Variants in TTC5 observed in about 807,000 individuals in gnomAD.
TTC5 encodes tetratricopeptide repeat protein 5.
In TTC5, 46 loss-of-function variants were observed where a neutral mutation model predicts 57.4. That is an observed-to-expected ratio of 0.80 (90% CI 0.63 to 1.03). The LOEUF is 1.03. Ranked by LOEUF, TTC5 falls within the 50% of genes least tolerant of loss-of-function variation. The probability of loss-of-function intolerance (pLI) is 0.00; values close to 1 mark genes in which losing one functional copy is unlikely to be tolerated. For synonymous variants in TTC5, 190 were observed against 203.5 expected (o/e 0.93, Z 0.57); for missense variants, 504 against 528.1 (o/e 0.95, Z 0.45).
rs1882258558 is a variant in TTC5 at position 20,304,847 on chromosome 14, A to G, written c.51+1040T>C. Reference sequence around the variant, plus strand: ...GTTTTCCTCTGGACTGAATGTTTTTAGAAACTTATTTTTTCATGGCAAAAT... The same window carrying G: ...GTTTTCCTCTGGACTGAATGTTTTTGGAAACTTATTTTTTCATGGCAAAAT... On this transcript the variant is annotated intron_variant, in intron 1 of 9. Transcript: ENST00000258821. 2.0e-5 allele frequency among the ~76,000 whole-genome samples: 3 copies of G among 152,210 alleles called. No individual in the cohort carries two copies. The South Asian group carries it at 6.2e-4, about 32-fold the overall frequency.
chr14:20,305,047 G>A (rs1380773419), intron 1 of TTC5, among the ~76,000 whole-genome samples: 2 of 152,032 alleles, frequency 1.3e-5, no homozygotes, highest in African/African-American at 2.4e-5. Flanking sequence ...CCAGAATTGA[G>A]AATCTCTGAT....
At chr14:20,300,156 T>TATATATATACATATATATATA in intron 3 of TTC5, among the ~76,000 whole-genome samples, 1 of 39,858 alleles carries the variant, frequency 2.5e-5, no homozygotes, top group Non-Finnish European at 4.9e-5. Flanking sequence ...TATATATATA[T>TATATATATACATATATATATA]TTTTTTTTTT....
intron 2 of TTC5, among the ~76,000 whole-genome samples, chr14:20,301,120 C>T (rs1228321711): frequency 6.6e-6 from 1 of 152,164 alleles, no homozygotes; most frequent in African/African-American, 2.4e-5. Context: ...AAAGCGTAAA[C>T]ATGGAAAATT....
chr14:20,298,213 A>AG (rs1435445870), intron 5 of TTC5, among the ~76,000 whole-genome samples: 1 of 152,230 alleles, frequency 6.6e-6, no homozygotes, highest in Admixed American at 6.5e-5. Context: ...TCAAAGTCTG[A>AG]GGGAAAGCCC....
rs187801695 is a variant in TTC5 at position 20,296,471 on chromosome 14, A to G, written c.640-25T>C. On this transcript the variant is annotated intron_variant, in intron 5 of 9. Coordinates refer to ENST00000258821, the MANE Select transcript of TTC5 (RefSeq NM_138376.3). ...CCTATAATGGGATGAAAAGATTATCAGTGGATCCTGTCTCAATGTTAAGGA... is the reference window on the plus strand; with the variant it reads ...CCTATAATGGGATGAAAAGATTATCGGTGGATCCTGTCTCAATGTTAAGGA... The G allele has an allele frequency of 4.4e-4, 694 of 1,574,422 alleles. 4 individuals carry two copies. In the African/African-American group the frequency reaches 8.4e-3, roughly 19 times the overall value.
intron 9 of TTC5, among the ~76,000 whole-genome samples, chr14:20,291,282 T>C (rs990004264): frequency 5.9e-5 from 9 of 152,192 alleles, no homozygotes; most frequent in African/African-American, 2.2e-4. Context: ...GGTCTTAAAC[T>C]CCTGGGCTCA....
chr14:20,301,087 G>T (rs1040013629), intron 2 of TTC5, among the ~76,000 whole-genome samples: 2 of 152,180 alleles, frequency 1.3e-5, no homozygotes, highest in Non-Finnish European at 2.9e-5. Context: ...TCCTAGAGGG[G>T]TTTACAATCT....
rs1467988230 is a variant in TTC5 at position 20,305,923 on chromosome 14, T to C, written c.15A>G (p.Glu5=). 3.7e-6 allele frequency: 6 copies of C among 1,613,986 alleles called. No homozygotes were observed. In the East Asian group the frequency reaches 6.7e-5, roughly 18 times the overall value. The change falls in exon 1 of 10, where the codon GAA becomes GAG. Residue 5 remains glutamate (E), a synonymous_variant. Transcript: ENST00000258821. MMAD[E]EEEVKPILQK... is the part of the protein sequence containing the mutation. ...GCAAGATCGGCTTGACTTCTTCCTC[T>C]TCATCAGCCATCATCTCCCGGCCAC...
At chr14:20,297,220 C>A (rs1882083745) in intron 5 of TTC5, among the ~76,000 whole-genome samples, 1 of 152,092 alleles carries the variant, frequency 6.6e-6, no homozygotes, top group South Asian at 2.1e-4. Context: ...AAACCAAATT[C>A]AGACTCTAAC....
intron 9 of TTC5, among the ~76,000 whole-genome samples, chr14:20,291,252 C>T (rs971035651): frequency 8.5e-5 from 13 of 152,214 alleles, no homozygotes; most frequent in Middle Eastern, 3.4e-3. Flanking sequence ...GAGACGGGGT[C>T]TCACTATATA....
At chr14:20,290,344 G>A (rs966648657) in intron 9 of TTC5, among the ~76,000 whole-genome samples, 2 of 152,112 alleles carry the variant, frequency 1.3e-5, no homozygotes, top group African/African-American at 4.8e-5. Context: ...CAAAAAATAT[G>A]GCAATGAGAG....
rs1881865785 is a variant in TTC5, at chr14:20,287,634, T to TA, written c.*1992dup. 7 of 152,200 alleles carry TA rather than the reference T, an allele frequency of 4.6e-5. No individual in the cohort carries two copies. In the South Asian group the frequency reaches 1.4e-3, roughly 32 times the overall value. The allele number at this position is 152,200 out of a possible 1,614,324, so 9.4% of individuals were successfully genotyped here. A position where few individuals can be genotyped will look rare whatever the true frequency, so the allele number is the denominator to read the frequency against. On this transcript the variant is annotated 3_prime_UTR_variant, in exon 10 of 10. Coordinates refer to ENST00000258821, the MANE Select transcript of TTC5 (RefSeq NM_138376.3). ...ACCGTATGTACAAATTTTGCATACT[T>TA]ACTTGTTTGTACGCACTGCTTCTCT... is the stretch of plus-strand genomic sequence containing the variant.
chr14:20,291,242 G>A (rs1881946716), intron 9 of TTC5, among the ~76,000 whole-genome samples: 1 of 152,034 alleles, frequency 6.6e-6, no homozygotes, highest in South Asian at 2.1e-4. Flanking sequence ...TTTTTTTGTA[G>A]AGACGGGGTC....
At position 20,296,428 on chromosome 14, in the gene TTC5, C is replaced by G. The variant is rs773183824; in HGVS notation, c.658G>C (p.Ala220Pro). 1 of 1,612,624 alleles carries G rather than the reference C, an allele frequency of 6.2e-7. No homozygotes were observed. Among genetic ancestry groups the G allele is most frequent in the Non-Finnish European group, 8.5e-7 (1 of 1,178,588 alleles). The change falls in exon 6 of 10, where the codon GCT (alanine) becomes CCT (proline). Residue 220 changes from alanine to proline, a missense_variant. Physicochemically the swap from Ala to Pro is conservative, Grantham distance 27. Transcript: ENST00000258821. ...YAQAEKVDRKASSNPDLHLNR... is the reference protein window; with the variant it reads ...YAQAEKVDRKPSSNPDLHLNR... Reference sequence around the variant, plus strand: ...AGATGAAGGTCAGGATTGCTAGAAGCTTTTCTGTCAACTTTCTCCTATAAT... The same window carrying G: ...AGATGAAGGTCAGGATTGCTAGAAGGTTTTCTGTCAACTTTCTCCTATAAT...
In TTC5 at chr14:20,295,838, T is replaced by A; in HGVS notation, c.713A>T (p.Glu238Val). The change falls in exon 7 of 10, where the codon GAG becomes GTG. Residue 238 changes from glutamate (E) to valine (V), a missense_variant. Physicochemically the swap from Glu to Val is moderately radical, Grantham distance 121. Transcript: ENST00000258821. Reference sequence around the variant, plus strand: ...GCCCTCCAGGGCCTCCCCATAACTCTCTTCATATTTATGCAACTGTACAAG... The same window carrying A: ...GCCCTCCAGGGCCTCCCCATAACTCACTTCATATTTATGCAACTGTACAAG... ...LNRATLHKYE[E>V]SYGEALEGFS... 2 of 1,583,860 alleles carry A rather than the reference T, an allele frequency of 1.3e-6. No individual in the cohort carries two copies. Among genetic ancestry groups the A allele is most frequent in the Non-Finnish European group, 1.7e-6 (2 of 1,171,658 alleles).
At chr14:20,293,441 TG>T (rs1415317006) in intron 8 of TTC5, 6 of 152,176 alleles carry the variant, frequency 3.9e-5, no homozygotes, top group Middle Eastern at 3.2e-3. Flanking sequence ...CAAAAGGCAC[TG>T]GTGGGAAAGA....
Position 20,298,845 on chromosome 14 carries a change from G to T in TTC5, c.591C>A (p.Gly197=). 1 of 1,613,974 alleles carries T rather than the reference G, an allele frequency of 6.2e-7. No individual in the cohort carries two copies. The highest frequency in any genetic ancestry group is 2.2e-5 in the East Asian group (1 of 44,884). Residue 197 remains glycine, a synonymous_variant, in exon 5 of 10, where the codon GGC becomes GGA. Transcript: ENST00000258821. ...NSYLSLYFST[G]QNPKISQQAL... ...CTTGCTGGGAGATCTTAGGGTTCTG[G>T]CCAGTAGAGAAGTAAAGGGAAAGAT... is the stretch of plus-strand genomic sequence containing the variant.
intron 2 of TTC5, among the ~76,000 whole-genome samples, chr14:20,301,522 T>C (rs1882189943): frequency 6.6e-6 from 1 of 151,326 alleles, no homozygotes; most frequent in African/African-American, 2.4e-5. Flanking sequence ...GAAGTAATGA[T>C]TTAGAAAGAT....
chr14:20,300,215 T>TCTCAAA (rs1882160576), intron 3 of TTC5: 1 of 145,522 alleles, frequency 6.9e-6, no homozygotes, highest in Admixed American at 6.9e-5. Flanking sequence ...CCTAGGCTGG[T>TCTCAAA]CTCAAACTCC....
Sources: allele counts gnomAD v4.1 joint callset (sites outside exome capture counted in the v4.1 genomes callset), GRCh38; gene constraint gnomAD v4.1.1; transcripts MANE v1.5; gene names NCBI Gene and HGNC (gene_info 2026-07-23, HGNC 2026-07-21).